The following RBFOX1 variants were observed in gnomAD, a reference collection of about 807,000 sequenced individuals.
RBFOX1 encodes the protein RNA binding protein fox-1 homolog 1.
RBFOX1 carries 8 observed loss-of-function variants against 57.7 expected under a neutral mutation model. The ratio of observed to expected loss-of-function variants is 0.14; its 90% CI spans 0.08 to 0.25. RBFOX1 has a LOEUF of 0.25. RBFOX1 is among the 10% of genes least tolerant of loss of function. The pLI is 1.00. For missense variants in RBFOX1, 611 were observed against 548.5 expected, an observed-to-expected ratio of 1.11 and a Z score of -1.14; for synonymous variants, 326 against 222.4, an observed-to-expected ratio of 1.47 and a Z score of -4.15.
chr16:6,194,041 A>C (rs1256657070), intron 1 of RBFOX1, among the ~76,000 whole-genome samples: 1 of 152,158 alleles, frequency 6.6e-6, no homozygotes, highest in African/African-American at 2.4e-5. Context: ...CCTGTATACT[A>C]ACTGCCTCTT....
At chr16:6,825,824 A>G (rs952913715) in intron 3 of RBFOX1, among the ~76,000 whole-genome samples, 15 of 152,142 alleles carry the variant, frequency 9.9e-5, no homozygotes, top group Non-Finnish European at 2.2e-4. Flanking sequence ...CCTGCACAGG[A>G]ACTTGCATCT....
At chr16:6,156,899 G>A (rs1287924564) in intron 1 of RBFOX1, among the ~76,000 whole-genome samples, 2 of 152,144 alleles carry the variant, frequency 1.3e-5, no homozygotes, top group Non-Finnish European at 2.9e-5. Flanking sequence ...GATGGCAGGG[G>A]CATGATTATG....
intron 2 of RBFOX1, among the ~76,000 whole-genome samples, chr16:6,397,616 T>A (rs1256643491): frequency 6.6e-6 from 1 of 152,178 alleles, no homozygotes; most frequent in Non-Finnish European, 1.5e-5. Context: ...GCAGGGAACA[T>A]GGTAAATATG....
chr16:7,106,079 A>G (rs1031327804), intron 4 of RBFOX1, among the ~76,000 whole-genome samples: 1 of 152,128 alleles, frequency 6.6e-6, no homozygotes, highest in East Asian at 1.9e-4. Flanking sequence ...CAGTACCCCC[A>G]CCTCCTGTCT....
intron 3 of RBFOX1, among the ~76,000 whole-genome samples, chr16:5,675,056 G>A (rs980853923): frequency 1.2e-4 from 18 of 152,268 alleles, no homozygotes; most frequent in Admixed American, 3.9e-4. Flanking sequence ...CCTGAGGTGG[G>A]AGGATTGCTT....
At chr16:6,599,267 C>T (rs958194426) in intron 2 of RBFOX1, among the ~76,000 whole-genome samples, 5 of 152,156 alleles carry the variant, frequency 3.3e-5, no homozygotes, top group Non-Finnish European at 2.9e-5. Context: ...CTTTGCATAA[C>T]TTCCAATAAA....
rs1376648668 is a variant in RBFOX1, at chr16:7,297,359, C to T, written c.28-220788C>T. 2.0e-5 allele frequency among the ~76,000 whole-genome samples: 3 copies of T among 152,146 alleles called. No individual in the cohort carries two copies. In the East Asian group the frequency reaches 5.8e-4, roughly 29 times the overall value. ...TTCTCCAGAAACATATGCAGGTTTC[C>T]AACCTGGCAGTCTGTTTCTCAGCAG... On this transcript the variant is annotated intron_variant, in intron 4 of 15. Coordinates refer to ENST00000550418, the MANE Select transcript of RBFOX1 (RefSeq NM_018723.4).
chr16:5,596,802 C>T (rs1165085085), intron 2 of RBFOX1, among the ~76,000 whole-genome samples: 1 of 152,230 alleles, frequency 6.6e-6, no homozygotes, highest in Non-Finnish European at 1.5e-5. Flanking sequence ...AAAATCACTG[C>T]ATCATCCTCC....
chr16:6,823,898 A>T (rs2091737522), intron 3 of RBFOX1, among the ~76,000 whole-genome samples: 1 of 152,074 alleles, frequency 6.6e-6, no homozygotes, highest in Admixed American at 6.6e-5. Context: ...TGCAAAAAGG[A>T]GCATGCTGGA....
At chr16:7,650,460 C>T (rs2064799963) in intron 11 of RBFOX1, among the ~76,000 whole-genome samples, 1 of 151,890 alleles carries the variant, frequency 6.6e-6, no homozygotes, top group Admixed American at 6.5e-5. Flanking sequence ...AAAGAACCTC[C>T]TAGGAAGCCT....
intron 2 of RBFOX1, among the ~76,000 whole-genome samples, chr16:6,617,871 G>A (rs556686464): frequency 1.1e-3 from 170 of 152,280 alleles, no homozygotes; most frequent in African/African-American, 3.7e-3. Flanking sequence ...AGGATGGAAA[G>A]TACCATGGAG....
rs1448483479 is a variant in RBFOX1, at chr16:5,535,899, G to C, written c.259-63003G>C. Among the ~76,000 whole-genome samples the C allele has an allele frequency of 3.3e-5, 5 of 152,300 alleles. No individual in the cohort carries two copies. In the South Asian group the frequency reaches 1.0e-3, roughly 32 times the overall value. Reference sequence around the variant, plus strand: ...ATGGCTGAAGAGGGGCGTACTGTAAGAGTCACACACTTTAATGCTTCAAAG... The same window carrying C: ...ATGGCTGAAGAGGGGCGTACTGTAACAGTCACACACTTTAATGCTTCAAAG... On this transcript the variant is annotated intron_variant, in intron 2 of 2. Coordinates refer to the RBFOX1 transcript ENST00000585867.
chr16:6,695,232 C>T (rs1264597752), intron 3 of RBFOX1, among the ~76,000 whole-genome samples: 3 of 151,812 alleles, frequency 2.0e-5, no homozygotes, highest in African/African-American at 4.8e-5. Context: ...CCAGCTTGGC[C>T]AACAGGGTGA....
chr16:7,426,046 A>C (rs1410472990), intron 4 of RBFOX1, among the ~76,000 whole-genome samples: 1 of 152,222 alleles, frequency 6.6e-6, no homozygotes, highest in African/African-American at 2.4e-5. Flanking sequence ...AGACCCACTG[A>C]GGCAAAGCAC....
intron 3 of RBFOX1, among the ~76,000 whole-genome samples, chr16:6,969,942 T>C (rs1241630032): frequency 6.6e-6 from 1 of 151,988 alleles, no homozygotes; most frequent in African/African-American, 2.4e-5. Context: ...CATACAGAAA[T>C]GTCACACAAT....
intron 4 of RBFOX1, among the ~76,000 whole-genome samples, chr16:7,437,363 C>A (rs1414679871): frequency 1.3e-5 from 2 of 151,694 alleles, no homozygotes; most frequent in Non-Finnish European, 2.9e-5. Flanking sequence ...GAAAATGACT[C>A]CTACTTCCAT....
intron 5 of RBFOX1, among the ~76,000 whole-genome samples, chr16:7,569,186 C>G (rs150417226): frequency 2.3e-4 from 35 of 152,230 alleles, no homozygotes; most frequent in African/African-American, 8.2e-4. Flanking sequence ...CAATAGTTTT[C>G]TTTTGCTGTC....
chr16:6,878,641 T>A lies in RBFOX1; in HGVS notation c.-15-173416T>A, dbSNP rs183372364. Among the ~76,000 whole-genome samples, 54 of 152,316 alleles carry A rather than the reference T, an allele frequency of 3.5e-4. 1 individual carries two copies. The highest frequency in any genetic ancestry group is 2.9e-3 in the Admixed American group (44 of 15,294). On this transcript the variant is annotated intron_variant, in intron 3 of 15. Coordinates refer to ENST00000550418, the MANE Select transcript of RBFOX1 (RefSeq NM_018723.4). ...TGTGTGTTGTCAAGGAAAGTCACTG[T>A]GGTTCGTGTTAGCGTCAGTTTAATT...
chr16:6,725,030 G>C (rs929417685), intron 3 of RBFOX1, among the ~76,000 whole-genome samples: 16 of 144,604 alleles, frequency 1.1e-4, no homozygotes, highest in African/African-American at 3.8e-4. Context: ...TTGCCCTCTT[G>C]GTTTTGGCTA....
Sources: gnomAD v4.1 joint callset for allele counts (sites outside exome capture counted in the v4.1 genomes callset) on GRCh38, gnomAD v4.1.1 for gene constraint, MANE v1.5 for transcripts, NCBI Gene and HGNC (gene_info 2026-07-23, HGNC 2026-07-21) for gene names.